Variants in ZNF273 observed in about 807,000 individuals in gnomAD.
ZNF273 encodes the protein zinc finger protein 273.
Under a neutral mutation model 14.9 loss-of-function variants are expected in ZNF273, and 11 were observed. That is an observed-to-expected ratio of 0.74 (90% CI 0.46 to 1.22). The LOEUF (loss-of-function observed/expected upper bound fraction) is 1.22. Among genes scored for constraint, ZNF273 ranks in the 50% most tolerant of loss-of-function variants. The pLI, the probability that ZNF273 is intolerant of heterozygous loss-of-function variation, is 0.00. For missense variants in ZNF273, 577 were observed against 660.6 expected, an observed-to-expected ratio of 0.87 and a Z score of 1.39; for synonymous variants, 199 against 223.9, an observed-to-expected ratio of 0.89 and a Z score of 0.99.
rs951568725 is a variant in ZNF273, at chr7:64,929,799, ATAATG to A, written c.*766_*770del. On this transcript the variant is annotated 3_prime_UTR_variant, in exon 4 of 4. Coordinates refer to ENST00000476120, the MANE Select transcript of ZNF273 (RefSeq NM_021148.3). ...AAATTACAGGTTTTTTGAAAAGTGA[ATAATG>A]TAATTCAACTCTCAAATTCATGGTT... 21 of 152,346 alleles carry A rather than the reference ATAATG, an allele frequency of 1.4e-4. No individual in the cohort carries two copies. Among genetic ancestry groups the A allele is most frequent in the African/African-American group, 7.2e-5 (3 of 41,440 alleles). 9.4% of individuals were successfully genotyped at this position (152,346 alleles called of 1,614,324 possible).
At chr7:64,918,688 A>AAAAT (rs1562961926) in intron 3 of ZNF273, among the ~76,000 whole-genome samples, 1 of 136,220 alleles carries the variant, frequency 7.3e-6, no homozygotes, top group South Asian at 2.2e-4. Context: ...AAAAAAAAAA[A>AAAAT]TGTGATTTGG....
downstream of ZNF273, among the ~76,000 whole-genome samples, chr7:64,890,495 G>A (rs919710407): frequency 1.3e-5 from 2 of 152,112 alleles, no homozygotes; most frequent in Non-Finnish European, 2.9e-5. Flanking sequence ...AAGCTGGGGA[G>A]GACGAACTCC....
chr7:64,910,920 C>T (rs192263881), intron 1 of ZNF273, among the ~76,000 whole-genome samples: 2 of 151,968 alleles, frequency 1.3e-5, no homozygotes, highest in African/African-American at 2.4e-5. Flanking sequence ...CATGCACCAC[C>T]ATGCCTGGCT....
chr7:64,932,288 GA>G (rs537343431), downstream of ZNF273, among the ~76,000 whole-genome samples: 65 of 150,866 alleles, frequency 4.3e-4, no homozygotes, highest in East Asian at 0.012. Flanking sequence ...AAATTTGCTA[GA>G]AAATATGTTA....
At chr7:64,916,779 A>G (rs560084232) in intron 1 of ZNF273, among the ~76,000 whole-genome samples, 2 of 152,238 alleles carry the variant, frequency 1.3e-5, no homozygotes, top group South Asian at 2.1e-4. Context: ...CCTATGTAAC[A>G]GAACATGTAA....
chr7:64,910,830 A>G (rs1267390432), intron 1 of ZNF273, among the ~76,000 whole-genome samples: 2 of 147,024 alleles, frequency 1.4e-5, no homozygotes, highest in Non-Finnish European at 3.0e-5. Flanking sequence ...CAATGGTGCA[A>G]TCTCGACTCA....
chr7:64,917,145 C>CA (rs1794066117), intron 1 of ZNF273: 2 of 1,242,380 alleles, frequency 1.6e-6, no homozygotes, highest in South Asian at 2.6e-5. Context: ...TTTGGAAACT[C>CA]AGACTTTATT....
At chr7:64,920,254 G>T (rs1794329947) in intron 3 of ZNF273, among the ~76,000 whole-genome samples, 3 of 151,964 alleles carry the variant, frequency 2.0e-5, no homozygotes, top group Admixed American at 1.3e-4. Flanking sequence ...TCAGGACTTT[G>T]CTTTGTAGGG....
chr7:64,901,847 G>A (rs1334846800), upstream of ZNF273, among the ~76,000 whole-genome samples: 1 of 152,030 alleles, frequency 6.6e-6, no homozygotes, highest in East Asian at 1.9e-4. Context: ...CTACTCGGGA[G>A]GCTGAGGTGG....
At chr7:64,914,557 A>C (rs1168303812) in intron 1 of ZNF273, among the ~76,000 whole-genome samples, 34 of 152,160 alleles carry the variant, frequency 2.2e-4, no homozygotes, top group Non-Finnish European at 1.5e-5. Context: ...GGGTGGTCAC[A>C]GGGCCAGTTC....
At chr7:64,889,831 A>G, downstream of ZNF273, 2 of 926,950 alleles carry the variant, frequency 2.2e-6, no homozygotes, top group Non-Finnish European at 2.6e-6. The surrounding 1 kb of genome is among the most constrained non-coding windows in gnomAD (Gnocchi z 4.2). Flanking sequence ...AATTCGGGCA[A>G]GTCAGTTGCC....
intron 3 of ZNF273, 136 bp downstream of exon 3, chr7:64,918,428 C>T (rs7796966): frequency 0.35 from 266,959 of 755,964 alleles, 49,715 homozygotes; most frequent in Admixed American, 0.38. Flanking sequence ...TTTGGGAGGC[C>T]GAGGCGGGCG....
At position 64,928,290 on chromosome 7, in the gene ZNF273, A is replaced by G; in HGVS notation, c.962A>G (p.Glu321Gly). The G allele has an allele frequency of 6.2e-7, 1 of 1,612,832 alleles. No individual in the cohort carries two copies. The highest frequency in any genetic ancestry group is 1.1e-5 in the South Asian group (1 of 90,904). The part of the protein sequence containing the change: ...IHTGTKPYNC[E>G]ECGKGFSIFS... ...ACAGGAACAAAACCCTACAATTGTG[A>G]AGAATGTGGCAAAGGCTTTAGTATA... The change falls in exon 4 of 4, where the codon GAA becomes GGA. Residue 321 changes from glutamate to glycine, a missense_variant. This residue lies in a region of ZNF273 where 411 missense variants were observed against 440.4 expected (regional missense o/e 0.93). Coordinates refer to ENST00000476120, the MANE Select transcript of ZNF273 (RefSeq NM_021148.3).
At chr7:64,918,657 C>T (rs201652124) in intron 3 of ZNF273, among the ~76,000 whole-genome samples, 4,910 of 36,192 alleles carry the variant, frequency 0.14, 150 homozygotes, top group East Asian at 0.32. Context: ...GAGACTCCAT[C>T]TCAAAAAAAA....
At chr7:64,906,284 G>T (rs1793104002) in intron 1 of ZNF273, among the ~76,000 whole-genome samples, 1 of 152,112 alleles carries the variant, frequency 6.6e-6, no homozygotes, top group Non-Finnish European at 1.5e-5. Flanking sequence ...GTTTAATGCT[G>T]AATTATATGG....
At chr7:64,904,555 T>C (rs1792958261) in intron 1 of ZNF273, among the ~76,000 whole-genome samples, 1 of 152,140 alleles carries the variant, frequency 6.6e-6, no homozygotes, top group African/African-American at 2.4e-5. Context: ...CACCCCCAAT[T>C]CCTTCAGCCT....
chr7:64,911,497 A>T lies in ZNF273; in HGVS notation c.103-6084A>T, dbSNP rs557982213. On this transcript the variant is annotated intron_variant, in intron 1 of 3. Transcript: ENST00000476120. ...AGGCTGGTTTCGAACTCCCGACCTG[A>T]GGTGATCCACCCGCCTTAGCCTCCC... Among the ~76,000 whole-genome samples the T allele has an allele frequency of 7.2e-5, 11 of 152,080 alleles. No homozygotes were observed. The South Asian group carries it at 2.3e-3, about 32-fold the overall frequency.
chr7:64,914,648 G>C (rs1169950291), intron 1 of ZNF273, among the ~76,000 whole-genome samples: 1 of 152,182 alleles, frequency 6.6e-6, no homozygotes, highest in Non-Finnish European at 1.5e-5. Context: ...TGTGGCAAGG[G>C]AGGGCACCTG....
chr7:64,901,065 C>G (rs2129053198), upstream of ZNF273, among the ~76,000 whole-genome samples: 1 of 151,706 alleles, frequency 6.6e-6, no homozygotes, highest in Middle Eastern at 3.4e-3. Flanking sequence ...TGCAGTGGCT[C>G]CATCTCGGCT....
Sources: allele counts gnomAD v4.1 joint callset (sites outside exome capture counted in the v4.1 genomes callset), GRCh38; gene constraint gnomAD v4.1.1; regional missense constraint gnomAD v4.1.1; non-coding constraint Gnocchi (gnomAD v3.1); transcripts MANE v1.5; gene names NCBI Gene and HGNC (gene_info 2026-07-23, HGNC 2026-07-21).